The following KIAA1217 variants were observed in gnomAD, a reference collection of about 807,000 sequenced individuals.
The protein encoded by KIAA1217 is sickle tail protein homolog.
KIAA1217 carries 88 observed loss-of-function variants against 163.9 expected under a neutral mutation model. That is an observed-to-expected ratio of 0.54 (90% CI 0.45 to 0.64). The LOEUF (loss-of-function observed/expected upper bound fraction) is 0.64, where lower values mean the gene tolerates loss of function less well. Among genes scored for constraint, KIAA1217 ranks in the 30% least tolerant of loss-of-function variants. The probability of loss-of-function intolerance (pLI) is 0.00; values close to 1 mark genes in which losing one functional copy is unlikely to be tolerated. For missense variants in KIAA1217, 2,372 were observed against 2,475.0 expected (o/e 0.96, Z 0.88); for synonymous variants, 903 against 923.1 (o/e 0.98, Z 0.39).
intron 1 of KIAA1217, among the ~76,000 whole-genome samples, chr10:23,990,712 C>T (rs1046847300): frequency 6.6e-6 from 1 of 152,068 alleles, no homozygotes; most frequent in Admixed American, 6.5e-5. Flanking sequence ...AGCAAAGAGT[C>T]ATGAGCAAAT....
intron 2 of KIAA1217, among the ~76,000 whole-genome samples, chr10:24,090,885 T>C (rs1379952791): frequency 2.6e-5 from 4 of 151,886 alleles, no homozygotes; most frequent in East Asian, 1.9e-4. Flanking sequence ...TCAAATGTCA[T>C]TGAAACACTA....
Position 24,381,003 on chromosome 10 carries a change from C to T in KIAA1217, c.489C>T (p.Gly163=). ...EGDAPTPFSR[G]SRTRASLPVV... is the part of the protein sequence containing the mutation. ...ATGCTCCAACCCCTTTTTCCAGAGG[C>T]AGCCGGACTCGTGCGAGCCTTCCTG... Residue 163 remains glycine, a synonymous_variant, in exon 3 of 21, where the codon GGC becomes GGT. Transcript: ENST00000376454. 2 of 1,608,696 alleles carry T rather than the reference C, an allele frequency of 1.2e-6. No homozygotes were observed. Among genetic ancestry groups the T allele is most frequent in the Non-Finnish European group, 1.7e-6 (2 of 1,177,112 alleles).
In KIAA1217 at chr10:24,187,628, C is replaced by T. The variant is rs545365948; in HGVS notation, c.-170-31998C>T. 2.7e-4 allele frequency among the ~76,000 whole-genome samples: 41 copies of T among 152,264 alleles called. No homozygotes were observed. In the South Asian group the frequency reaches 5.8e-3, roughly 22 times the overall value. On this transcript the variant is annotated intron_variant, in intron 2 of 18. Transcript: ENST00000376462. ...GGCAATGGCCAGGCGCAGTGTCTCA[C>T]GCCTATAATCCCAGCACTTTGGGAG... is the stretch of plus-strand genomic sequence containing the variant.
intron 1 of KIAA1217, among the ~76,000 whole-genome samples, chr10:23,873,096 C>T (rs1175492399): frequency 6.6e-6 from 1 of 151,942 alleles, no homozygotes; most frequent in East Asian, 1.9e-4. Context: ...AAGTTAGAAG[C>T]AGGATATTCT....
At chr10:24,024,863 A>AC (rs1354362279) in intron 2 of KIAA1217, among the ~76,000 whole-genome samples, 1 of 151,660 alleles carries the variant, frequency 6.6e-6, no homozygotes, top group East Asian at 1.9e-4. Context: ...CAAATATTTT[A>AC]CTCATTTCTA....
intron 2 of KIAA1217, among the ~76,000 whole-genome samples, chr10:24,351,557 A>G (rs1441070432): frequency 6.6e-6 from 1 of 152,202 alleles, no homozygotes; most frequent in Non-Finnish European, 1.5e-5. Context: ...GCCAGGGAGA[A>G]TACAGGACTT....
chr10:24,035,831 G>A, intron 2 of KIAA1217, among the ~76,000 whole-genome samples: 1 of 152,184 alleles, frequency 6.6e-6, no homozygotes, highest in East Asian at 1.9e-4. Context: ...ATGCCTTTGG[G>A]ATTTGGAAAA....
In KIAA1217 at chr10:24,219,688, G is replaced by A; in HGVS notation, c.133G>A (p.Glu45Lys). 6.2e-7 allele frequency: 1 copy of A among 1,613,794 alleles called. No homozygotes were observed. Among genetic ancestry groups the A allele is most frequent in the Non-Finnish European group, 8.5e-7 (1 of 1,179,828 alleles). ...AGATGCAGAATGCCGCAGAACCAAG[G>A]AACGCCTTTCTAATGGAAACAGTCG... ...PEDAECRRTKERLSNGNSRGS... is the reference protein window; with the variant it reads ...PEDAECRRTKKRLSNGNSRGS... The change falls in exon 2 of 21, where the codon GAA becomes AAA. Residue 45 changes from glutamate (E) to lysine (K), a missense_variant. Glu to Lys is a moderately conservative substitution (Grantham distance 56). Transcript: ENST00000376454.
intron 2 of KIAA1217, among the ~76,000 whole-genome samples, chr10:24,303,220 T>C (rs2041592199): frequency 6.6e-6 from 1 of 152,056 alleles, no homozygotes; most frequent in Admixed American, 6.6e-5. Flanking sequence ...CTTGCTGTGA[T>C]GCCCAGGCTG....
chr10:23,872,798 A>G (rs1840519191), intron 1 of KIAA1217, among the ~76,000 whole-genome samples: 1 of 152,048 alleles, frequency 6.6e-6, no homozygotes, highest in South Asian at 2.1e-4. Context: ...ATAAATTTAT[A>G]TACACTTAAT....
chr10:23,935,923 A>G (rs1843506954), intron 1 of KIAA1217, among the ~76,000 whole-genome samples: 1 of 152,188 alleles, frequency 6.6e-6, no homozygotes, highest in Admixed American at 6.5e-5. Context: ...CATTATGATA[A>G]TCTAGATGGT....
chr10:24,062,849 T>C (rs188691566), intron 2 of KIAA1217, among the ~76,000 whole-genome samples: 1 of 152,226 alleles, frequency 6.6e-6, no homozygotes, highest in African/African-American at 2.4e-5. Context: ...TGTGAGATGG[T>C]ATCTCATTGT....
At chr10:24,280,474 T>C (rs981816539) in intron 2 of KIAA1217, among the ~76,000 whole-genome samples, 1 of 152,204 alleles carries the variant, frequency 6.6e-6, no homozygotes, top group African/African-American at 2.4e-5. Context: ...GATTCTAGAT[T>C]GAAAATGACC....
chr10:24,305,542 T>C (rs1024656307), intron 2 of KIAA1217, among the ~76,000 whole-genome samples: 2 of 152,202 alleles, frequency 1.3e-5, no homozygotes, highest in Non-Finnish European at 2.9e-5. Context: ...ATCCTTGCTT[T>C]AAACTGTAAA....
chr10:23,787,095 T>A (rs1835526801), intron 1 of KIAA1217, among the ~76,000 whole-genome samples: 1 of 152,226 alleles, frequency 6.6e-6, no homozygotes, highest in African/African-American at 2.4e-5. Flanking sequence ...TTCCACAAGA[T>A]AGTAAAAATG....
chr10:23,704,797 T>C (rs1836776801), intron 1 of KIAA1217, among the ~76,000 whole-genome samples: 1 of 152,178 alleles, frequency 6.6e-6, no homozygotes, highest in South Asian at 2.1e-4. Flanking sequence ...TGGGTATATG[T>C]CTGTATTTCT....
chr10:24,238,386 G>A (rs2072573420), intron 2 of KIAA1217, among the ~76,000 whole-genome samples: 1 of 152,166 alleles, frequency 6.6e-6, no homozygotes. Flanking sequence ...AGGTGTGTCT[G>A]CAGTGAATTT....
At chr10:23,717,184 C>T (rs1420540786) in intron 1 of KIAA1217, among the ~76,000 whole-genome samples, 1 of 152,096 alleles carries the variant, frequency 6.6e-6, no homozygotes, top group Non-Finnish European at 1.5e-5. Context: ...TTTCCGTGAA[C>T]TTAAAATGCT....
chr10:24,489,048 C>G (rs992713153), intron 6 of KIAA1217, among the ~76,000 whole-genome samples: 1 of 151,992 alleles, frequency 6.6e-6, no homozygotes, highest in African/African-American at 2.4e-5. Context: ...AGAGAGATGA[C>G]AGGGAATGAG....
Sources: allele counts gnomAD v4.1 joint callset (sites outside exome capture counted in the v4.1 genomes callset), GRCh38; gene constraint gnomAD v4.1.1; transcripts MANE v1.5; gene names NCBI Gene and HGNC (gene_info 2026-07-23, HGNC 2026-07-21).